Variants in SPG7 observed in about 807,000 individuals in gnomAD.
The protein encoded by SPG7 is mitochondrial inner membrane m-AAA protease component paraplegin.
Under a neutral mutation model 81.9 loss-of-function variants are expected in SPG7, and 103 were observed. That is an observed-to-expected ratio of 1.26 (90% confidence interval 1.07 to 1.48). The LOEUF is 1.48. SPG7 is among the 40% of genes most tolerant of loss of function. SPG7 has a pLI of 0.00. For synonymous variants in SPG7, 534 were observed against 444.2 expected, an observed-to-expected ratio of 1.20 and a Z score of -2.54; for missense variants, 1,241 against 1,087.3, an observed-to-expected ratio of 1.14 and a Z score of -1.99.
chr16:89,545,207 A>T, intron 10 of SPG7: 1 of 320,028 alleles, frequency 3.1e-6, no homozygotes, highest in Non-Finnish European at 6.1e-6. Context: ...TGGACTGTGC[A>T]GCTGCCCTGA....
intron 3 of SPG7, chr16:89,514,236 A>T (rs112783157): frequency 5.3e-5 from 8 of 151,384 alleles, no homozygotes; most frequent in African/African-American, 1.9e-4. Flanking sequence ...ATCTTCATAC[A>T]AAATTGTTCT....
At chr16:89,536,952 A>G in intron 9 of SPG7, 1 of 1,614,144 alleles carries the variant, frequency 6.2e-7, no homozygotes, top group Non-Finnish European at 8.5e-7. Context: ...CCCAAAGGCA[A>G]GCGTATATCA....
chr16:89,508,996 T>C, intron 1 of SPG7: 1 of 475,002 alleles, frequency 2.1e-6, no homozygotes, highest in Non-Finnish European at 4.2e-6. Flanking sequence ...GTTAGGGTGG[T>C]TATTGCCGAG....
chr16:89,551,450 C>T (rs1050894974), intron 13 of SPG7: 2 of 153,676 alleles, frequency 1.3e-5, no homozygotes, highest in African/African-American at 4.8e-5. Flanking sequence ...CTCAGCAGGG[C>T]TGAGGCAGCG....
At chr16:89,526,628 C>T in intron 5 of SPG7, 160 bp downstream of exon 5, 1 of 756,914 alleles carries the variant, frequency 1.3e-6, no homozygotes, top group Non-Finnish European at 2.3e-6. Flanking sequence ...GATACAATGC[C>T]AGGAGATTTG....
At chr16:89,510,341 T>C (rs1200172331) in intron 1 of SPG7, 149 bp from the exon 2 acceptor site, 6 of 647,644 alleles carry the variant, frequency 9.3e-6, no homozygotes, top group Admixed American at 7.8e-5. Flanking sequence ...TTTGACCTAT[T>C]GCTCAGACTA....
chr16:89,545,393 G>GTTA (rs924399859), intron 10 of SPG7: 1 of 200,824 alleles, frequency 5.0e-6, no homozygotes, highest in African/African-American at 2.4e-5. Flanking sequence ...CTGCTGGTGG[G>GTTA]TTAATGTTCC....
At chr16:89,514,224 G>A (rs189544382) in intron 3 of SPG7, 6 of 145,864 alleles carry the variant, frequency 4.1e-5, no homozygotes, top group African/African-American at 1.3e-4. Context: ...AAAGACTTCT[G>A]AATCTTCATA....
At chr16:89,533,192 T>C (rs2914460) in intron 9 of SPG7, 74,520 of 160,884 alleles carry the variant, frequency 0.46, 17,628 homozygotes, top group East Asian at 0.67. Context: ...CTTTTTTAGA[T>C]AGTCTTGCTC....
At chr16:89,538,970 C>T (rs1286076483) in intron 9 of SPG7, 1 of 152,236 alleles carries the variant, frequency 6.6e-6, no homozygotes. Flanking sequence ...ACTGAGGATA[C>T]TGTGGGAAAC....
rs964388374 is a variant in SPG7, at chr16:89,536,924, C to G, written c.1324+4288C>G. The stretch of plus-strand genomic sequence containing the variant: ...CTTTTGCACTGAAGATAGAGACCAC[C>G]TTTTTGAGTGACTTGAGCCCAAAGG... On this transcript the variant is annotated intron_variant, in intron 9 of 16. Transcript: ENST00000645818. 5 of 1,614,188 alleles carry G rather than the reference C, an allele frequency of 3.1e-6. No individual in the cohort carries two copies. In the Middle Eastern group the frequency reaches 4.9e-4, roughly 160 times the overall value.
intron 9 of SPG7, chr16:89,540,766 C>G (rs566082338): frequency 5.1e-6 from 2 of 394,580 alleles, no homozygotes; most frequent in African/African-American, 4.4e-5. Context: ...TGTCCACATG[C>G]GCTCACCACA....
chr16:89,533,506 C>G (rs1387784695), intron 9 of SPG7: 1 of 152,022 alleles, frequency 6.6e-6, no homozygotes, highest in African/African-American at 2.4e-5. Context: ...GGCTTTGCAG[C>G]AAAACCCAGA....
Position 89,509,629 on chromosome 16 carries a change from C to T in SPG7, c.184-861C>T, listed in dbSNP as rs184577535. ...ATATACTTGTTAACTGGTTTGGTACCTGGAAATGTTCTACAAGGAGCCACT... is the reference window on the plus strand; with the variant it reads ...ATATACTTGTTAACTGGTTTGGTACTTGGAAATGTTCTACAAGGAGCCACT... On this transcript the variant is annotated intron_variant, in intron 1 of 16. Coordinates refer to ENST00000645818, the MANE Select transcript of SPG7 (RefSeq NM_003119.4). Among the ~76,000 whole-genome samples the T allele has an allele frequency of 7.0e-4, 106 of 152,180 alleles. 1 individual carries two copies. Among genetic ancestry groups the T allele is most frequent in the African/African-American group, 2.5e-3 (104 of 41,536 alleles).
chr16:89,531,939 C>A lies in SPG7; in HGVS notation c.1023C>A (p.Val341=). ...GCTTCCTCCAGCTTGGCGCCAAGGT[C>A]CCAAAGGGCGCACTGCTGCTCGGCC... is the stretch of plus-strand genomic sequence containing the variant. The part of the protein sequence containing the change: ...PERFLQLGAK[V]PKGALLLGPP... Residue 341 remains valine, a synonymous_variant, in exon 8 of 17, where the codon GTC becomes GTA. Transcript: ENST00000645818. 1 of 1,614,130 alleles carries A rather than the reference C, an allele frequency of 6.2e-7. No homozygotes were observed. Among genetic ancestry groups the A allele is most frequent in the Non-Finnish European group, 8.5e-7 (1 of 1,179,970 alleles).
At chr16:89,537,792 G>C (rs2058446133) in intron 9 of SPG7, 1 of 985,220 alleles carries the variant, frequency 1.0e-6, no homozygotes. Context: ...TGAGGTCCTG[G>C]GAAGCTGGGG....
intron 2 of SPG7, 40 bp downstream of exon 2, chr16:89,510,632 C>T: frequency 8.2e-7 from 1 of 1,218,116 alleles, no homozygotes; most frequent in South Asian, 1.2e-5. Flanking sequence ...CATGACTGCA[C>T]ACTTACCGCC....
At chr16:89,547,877 T>C in intron 11 of SPG7, 126 bp from the exon 12 acceptor site, 1 of 772,214 alleles carries the variant, frequency 1.3e-6, no homozygotes, top group South Asian at 1.4e-5. Flanking sequence ...CCTCCCAAAG[T>C]GCTGGGATTA....
rs750282833 is a variant in SPG7 at position 89,554,579 on chromosome 16, G to A, written c.2181+16G>A. The A allele has an allele frequency of 2.5e-6, 4 of 1,587,984 alleles. No homozygotes were observed. Among genetic ancestry groups the A allele is most frequent in the Non-Finnish European group, 3.4e-6 (4 of 1,163,370 alleles). On this transcript the variant is annotated intron_variant, in intron 16 of 16. Transcript: ENST00000645818. ...GTTGCAGGCGGTGAGGCCCTGGCCA[G>A]GCGTGGGGGCTACGGCGTCACACAG...
Sources: allele counts gnomAD v4.1 joint callset (sites outside exome capture counted in the v4.1 genomes callset), GRCh38; gene constraint gnomAD v4.1.1; transcripts MANE v1.5; gene names NCBI Gene and HGNC (gene_info 2026-07-23, HGNC 2026-07-21).